KCNH7: variants seen among roughly 807,000 people sequenced by gnomAD.
The protein encoded by KCNH7 is potassium voltage-gated channel subfamily H member 7.
Under a neutral mutation model 120.8 loss-of-function variants are expected in KCNH7, and 49 were observed. That is an observed-to-expected ratio of 0.41 (90% CI 0.32 to 0.51). KCNH7 has a LOEUF of 0.51. Among genes scored for constraint, KCNH7 ranks in the 20% least tolerant of loss-of-function variants. KCNH7 has a pLI of 0.38. For missense variants in KCNH7, 1,097 were observed against 1,446.6 expected (o/e 0.76, Z 3.92); for synonymous variants, 547 against 516.1 (o/e 1.06, Z -0.81).
chr2:162,490,689 C>T (rs1472920707), intron 6 of KCNH7, among the ~76,000 whole-genome samples: 2 of 152,170 alleles, frequency 1.3e-5, no homozygotes, highest in Non-Finnish European at 1.5e-5. Context: ...AGATAGGACC[C>T]CAACAACACC....
intron 2 of KCNH7, among the ~76,000 whole-genome samples, chr2:162,656,782 GA>G (rs1684778875): frequency 6.6e-6 from 1 of 152,084 alleles, no homozygotes; most frequent in Non-Finnish European, 1.5e-5. Context: ...AAGGAGAGTA[GA>G]AAAATACAAA....
At chr2:162,519,916 C>G (rs1691459207) in intron 3 of KCNH7, among the ~76,000 whole-genome samples, 1 of 151,730 alleles carries the variant, frequency 6.6e-6, no homozygotes, top group Non-Finnish European at 1.5e-5. Context: ...ACTCTCAAAA[C>G]TCATGAACAT....
At chr2:162,750,909 T>C (rs1383669951) in intron 2 of KCNH7, among the ~76,000 whole-genome samples, 3 of 152,184 alleles carry the variant, frequency 2.0e-5, no homozygotes, top group African/African-American at 7.2e-5. Flanking sequence ...TTTCATATTA[T>C]AATAAATACA....
chr2:162,635,693 T>G (rs1683930327), intron 2 of KCNH7, among the ~76,000 whole-genome samples: 1 of 152,142 alleles, frequency 6.6e-6, no homozygotes, highest in African/African-American at 2.4e-5. Flanking sequence ...AGACAAAATC[T>G]TGACTTAGAA....
intron 2 of KCNH7, among the ~76,000 whole-genome samples, chr2:162,769,642 T>G (rs1259102620): frequency 6.6e-6 from 1 of 151,928 alleles, no homozygotes; most frequent in African/African-American, 2.4e-5. Flanking sequence ...AGCTTATGTA[T>G]ATACATATTC....
At chr2:162,539,083 ATAGT>A (rs1465111957) in intron 2 of KCNH7, among the ~76,000 whole-genome samples, 4 of 152,134 alleles carry the variant, frequency 2.6e-5, no homozygotes, top group African/African-American at 4.8e-5. Flanking sequence ...ATTTAATAAA[ATAGT>A]TAGCTGGAGC....
intron 2 of KCNH7, among the ~76,000 whole-genome samples, chr2:162,556,359 A>G (rs1692855520): frequency 6.6e-6 from 1 of 152,138 alleles, no homozygotes; most frequent in African/African-American, 2.4e-5. Flanking sequence ...AAACCAAATT[A>G]CAGAGAGATG....
chr2:162,549,214 A>G (rs1200667688), intron 2 of KCNH7, among the ~76,000 whole-genome samples: 1 of 152,184 alleles, frequency 6.6e-6, no homozygotes, highest in Non-Finnish European at 1.5e-5. Flanking sequence ...ATGAGGCTTA[A>G]TTTTCAGATA....
At chr2:162,746,753 C>T (rs980180879) in intron 2 of KCNH7, among the ~76,000 whole-genome samples, 1 of 151,976 alleles carries the variant, frequency 6.6e-6, no homozygotes, top group African/African-American at 2.4e-5. Flanking sequence ...ATTTTTATTT[C>T]TGCAAAGAAA....
At chr2:162,465,300 C>G (rs763794329) in intron 6 of KCNH7, among the ~76,000 whole-genome samples, 1 of 152,226 alleles carries the variant, frequency 6.6e-6, no homozygotes, top group Admixed American at 6.5e-5. Flanking sequence ...TGTTACTGCA[C>G]TATTTATGCC....
chr2:162,648,377 G>A (rs147720282), intron 2 of KCNH7, among the ~76,000 whole-genome samples: 6 of 152,200 alleles, frequency 3.9e-5, no homozygotes, highest in Middle Eastern at 3.4e-3. Context: ...GGGGAAGTCC[G>A]CCCCCATGAT....
chr2:162,656,687 G>C (rs1574228972), intron 2 of KCNH7, among the ~76,000 whole-genome samples: 1 of 152,026 alleles, frequency 6.6e-6, no homozygotes, highest in Non-Finnish European at 1.5e-5. Flanking sequence ...ACAAAGTTTT[G>C]GTCATATGGT....
At chr2:162,397,024 A>G in intron 10 of KCNH7, 79 bp from the exon 11 acceptor site, 2 of 921,044 alleles carry the variant, frequency 2.2e-6, no homozygotes, top group South Asian at 1.5e-5. Flanking sequence ...GAAGGGGGTC[A>G]TTAAACAATT....
chr2:162,433,478 A>G (rs1414354057), intron 8 of KCNH7, among the ~76,000 whole-genome samples: 1 of 152,082 alleles, frequency 6.6e-6, no homozygotes, highest in Non-Finnish European at 1.5e-5. Flanking sequence ...AAAGCTGCAC[A>G]CCTACAGCCA....
At chr2:162,415,730 A>T (rs1294920708) in intron 9 of KCNH7, among the ~76,000 whole-genome samples, 1 of 152,164 alleles carries the variant, frequency 6.6e-6, no homozygotes, top group Non-Finnish European at 1.5e-5. Context: ...CTGTATGCTA[A>T]GATGGGTGAG....
intron 2 of KCNH7, among the ~76,000 whole-genome samples, chr2:162,751,081 A>G (rs1454313954): frequency 6.6e-6 from 1 of 152,184 alleles, no homozygotes; most frequent in Non-Finnish European, 1.5e-5. Flanking sequence ...TAGCATGGTC[A>G]CAGCATAGGA....
intron 6 of KCNH7, among the ~76,000 whole-genome samples, chr2:162,460,925 CCT>C (rs1689127476): frequency 6.6e-6 from 1 of 152,080 alleles, no homozygotes; most frequent in Admixed American, 6.6e-5. Context: ...GGGGATAAAG[CCT>C]CTGTTTTCCT....
intron 2 of KCNH7, among the ~76,000 whole-genome samples, chr2:162,630,364 T>C (rs1683722332): frequency 6.6e-6 from 1 of 151,752 alleles, no homozygotes; most frequent in Non-Finnish European, 1.5e-5. Context: ...TGAGATTATC[T>C]AGGAAAAGAT....
chr2:162,536,967 G>T lies in KCNH7; in HGVS notation c.421C>A (p.Pro141Thr). The part of the protein sequence containing the change: ...YVTDNENAAT[P>T]ERVNPILPIK... ...GGTAATATTGGGTTTACCCTCTCTG[G>T]GGTGGCAGCGTTTTCATTATCCGTC... Residue 141 changes from proline (P) to threonine (T), a missense_variant, in exon 3 of 16, where the codon CCA (proline) becomes ACA (threonine). Physicochemically the swap from Pro to Thr is conservative, Grantham distance 38. This residue lies in a region of KCNH7 where 362 missense variants were observed against 372.2 expected (regional missense o/e 0.97). Coordinates refer to ENST00000332142, the MANE Select transcript of KCNH7 (RefSeq NM_033272.4). The T allele has an allele frequency of 6.2e-7, 1 of 1,612,722 alleles. No homozygotes were observed. Among genetic ancestry groups the T allele is most frequent in the East Asian group, 2.2e-5 (1 of 44,786 alleles).
Sources: allele counts gnomAD v4.1 joint callset (sites outside exome capture counted in the v4.1 genomes callset), GRCh38; gene constraint gnomAD v4.1.1; regional missense constraint gnomAD v4.1.1; transcripts MANE v1.5; gene names NCBI Gene and HGNC (gene_info 2026-07-23, HGNC 2026-07-21).